Variants in PTPRN2 observed in about 807,000 individuals in gnomAD.
PTPRN2 encodes protein tyrosine phosphatase receptor type N2, also known as receptor-type tyrosine-protein phosphatase N2.
In PTPRN2, 74 loss-of-function variants were observed where a neutral mutation model predicts 118.8. The ratio of observed to expected loss-of-function variants is 0.62; its 90% CI spans 0.52 to 0.76. The LOEUF is 0.76. Ranked by LOEUF, PTPRN2 falls within the 30% of genes least tolerant of loss-of-function variation. The probability of loss-of-function intolerance (pLI) is 0.00; values close to 1 mark genes in which losing one functional copy is unlikely to be tolerated. For missense variants in PTPRN2, 1,481 were observed against 1,394.4 expected (o/e 1.06, Z -0.99); for synonymous variants, 641 against 608.0 (o/e 1.05, Z -0.80).
Position 158,131,769 on chromosome 7 carries a change from C to T in PTPRN2, c.1556+1908G>A, listed in dbSNP as rs370377524. ...CACACACATGCACATACGCACAAACCGATACACATCTACCCGACATACACA... is the reference window on the plus strand; with the variant it reads ...CACACACATGCACATACGCACAAACTGATACACATCTACCCGACATACACA... On this transcript the variant is annotated intron_variant, in intron 9 of 22. Transcript: ENST00000389418. Among the ~76,000 whole-genome samples the T allele has an allele frequency of 2.0e-4, 29 of 143,254 alleles. No individual in the cohort carries two copies. The East Asian group carries it at 4.4e-3, about 22-fold the overall frequency. 94.0% of individuals were successfully genotyped at this position (143,254 alleles called of 152,430 possible).
intron 3 of PTPRN2, among the ~76,000 whole-genome samples, chr7:158,281,233 G>A (rs1799403563): frequency 6.6e-6 from 1 of 152,196 alleles, no homozygotes; most frequent in Non-Finnish European, 1.5e-5. Flanking sequence ...AGGTTGCAAT[G>A]AGCTGGGATC....
intron 12 of PTPRN2, among the ~76,000 whole-genome samples, chr7:157,705,071 C>A (rs1196360040): frequency 6.6e-6 from 1 of 152,134 alleles, no homozygotes; most frequent in Non-Finnish European, 1.5e-5. Context: ...CTTTGGGAGG[C>A]CCAGGGGGCG....
At chr7:157,887,864 T>C (rs937411752) in intron 12 of PTPRN2, among the ~76,000 whole-genome samples, 6 of 127,562 alleles carry the variant, frequency 4.7e-5, no homozygotes, top group Non-Finnish European at 8.4e-5. Context: ...CCACCCAGTA[T>C]TTGCTCCCCC....
At chr7:158,370,379 T>C (rs767098322) in intron 2 of PTPRN2, among the ~76,000 whole-genome samples, 9 of 151,968 alleles carry the variant, frequency 5.9e-5, no homozygotes, top group Non-Finnish European at 1.3e-4. Context: ...GAGGTTGCAG[T>C]GAGCCGAGAT....
intron 1 of PTPRN2, among the ~76,000 whole-genome samples, chr7:158,533,781 G>A (rs1825426548): frequency 1.3e-5 from 2 of 152,254 alleles, no homozygotes; most frequent in Non-Finnish European, 2.9e-5. Flanking sequence ...TGATGGACAT[G>A]CTCACAATGC....
At chr7:157,541,460 CG>C (rs1563196631) in intron 22 of PTPRN2, among the ~76,000 whole-genome samples, 1 of 152,240 alleles carries the variant, frequency 6.6e-6, no homozygotes, top group Non-Finnish European at 1.5e-5. Context: ...GCACGAGGGA[CG>C]GGTTCACGAT....
At chr7:158,392,221 C>T (rs186951783) in intron 2 of PTPRN2, among the ~76,000 whole-genome samples, 1 of 152,212 alleles carries the variant, frequency 6.6e-6, no homozygotes, top group African/African-American at 2.4e-5. Flanking sequence ...TGTGGCCATG[C>T]AGGTCAAACT....
At chr7:158,483,077 G>A (rs977256153) in intron 2 of PTPRN2, among the ~76,000 whole-genome samples, 3 of 152,164 alleles carry the variant, frequency 2.0e-5, no homozygotes, top group Admixed American at 6.5e-5. Flanking sequence ...ATCAGAGCAC[G>A]CCCTTTGCCC....
intron 2 of PTPRN2, among the ~76,000 whole-genome samples, chr7:158,336,111 T>G (rs1166977478): frequency 7.4e-5 from 1 of 13,448 alleles, no homozygotes; most frequent in African/African-American, 2.2e-4. Flanking sequence ...ACCCACAGTC[T>G]CACCATAAGA....
rs147418646 is a variant in PTPRN2 at position 158,203,497 on chromosome 7, G to A, written c.380+1674C>T. 9.4e-3 allele frequency among the ~76,000 whole-genome samples: 1,423 copies of A among 152,184 alleles called. 26 individuals are homozygous for A. The highest frequency in any genetic ancestry group is 0.031 in the African/African-American group (1,286 of 41,526). ...ATCCAGGCGCCTCTCCATGGTTGTT[G>A]CTGAGTTTGATTTCTCAGAGGCAGG... On this transcript the variant is annotated intron_variant, in intron 4 of 22. Coordinates refer to ENST00000389418, the MANE Select transcript of PTPRN2 (RefSeq NM_002847.5).
intron 11 of PTPRN2, among the ~76,000 whole-genome samples, chr7:157,954,840 TA>T (rs1801084013): frequency 6.6e-6 from 1 of 152,200 alleles, no homozygotes; most frequent in Non-Finnish European, 1.5e-5. Context: ...GGTGTTTAAG[TA>T]TCTCATATGT....
At chr7:157,989,907 G>A (rs1034156161) in intron 11 of PTPRN2, among the ~76,000 whole-genome samples, 1 of 151,872 alleles carries the variant, frequency 6.6e-6, no homozygotes, top group African/African-American at 2.4e-5. Context: ...GCCCTGCCCA[G>A]GGCTGCGCTG....
intron 12 of PTPRN2, among the ~76,000 whole-genome samples, chr7:157,895,672 T>C (rs1416759658): frequency 6.6e-6 from 1 of 152,082 alleles, no homozygotes; most frequent in Non-Finnish European, 1.5e-5. Flanking sequence ...TAATCTGTCG[T>C]GTAGCATCGA....
intron 5 of PTPRN2, among the ~76,000 whole-genome samples, chr7:158,183,119 T>C (rs1824854561): frequency 6.6e-6 from 1 of 152,236 alleles, no homozygotes; most frequent in Admixed American, 6.5e-5. Flanking sequence ...CTGCTCACTT[T>C]TGGTTTCCAT....
rs73745197 is a variant in PTPRN2, at chr7:158,167,196, G to A, written c.645C>T (p.Asp215=). ...GCTGGCCGAGGGTCCGCGGCAGGAG[G>A]TCCTCGCGGAGCTGGGTCCGGGACC... The part of the protein sequence containing the change: ...PPGSRTQLRE[D]LLPRTLGQLQ... Residue 215 remains aspartate (D), a synonymous_variant, in exon 6 of 23, where the codon GAC becomes GAT. Coordinates refer to ENST00000389418, the MANE Select transcript of PTPRN2 (RefSeq NM_002847.5). 5,578 of 1,613,712 alleles carry A rather than the reference G, an allele frequency of 3.5e-3. 157 individuals are homozygous for A. In the African/African-American group the frequency reaches 0.063, roughly 18 times the overall value.
chr7:158,218,278 G>A (rs74905681), intron 3 of PTPRN2, among the ~76,000 whole-genome samples: 9,668 of 152,122 alleles, frequency 0.064, 356 homozygotes, highest in South Asian at 0.13. Context: ...GAGACTGGGG[G>A]CCCTATTTTC....
In PTPRN2 at chr7:158,552,967, T is replaced by C. The variant is rs1196333847; in HGVS notation, c.112+34591A>G. On this transcript the variant is annotated intron_variant, in intron 1 of 22. Transcript: ENST00000389418. ...TTGGGAATCTACATCATCTTTCCCA[T>C]GTACACACACAGGCTTGAGAGTCTA... 3.9e-5 allele frequency among the ~76,000 whole-genome samples: 6 copies of C among 152,106 alleles called. No homozygotes were observed. In the South Asian group the frequency reaches 1.2e-3, roughly 32 times the overall value.
At chr7:158,341,907 C>G (rs1229676328) in intron 2 of PTPRN2, among the ~76,000 whole-genome samples, 1 of 137,614 alleles carries the variant, frequency 7.3e-6, no homozygotes, top group Non-Finnish European at 1.5e-5. Context: ...TATGAGCTGA[C>G]ACCTGCAGAC....
intron 13 of PTPRN2, among the ~76,000 whole-genome samples, chr7:157,672,638 C>T (rs1438915215): frequency 6.6e-6 from 1 of 152,172 alleles, no homozygotes; most frequent in East Asian, 1.9e-4. Context: ...GAAACGCCTA[C>T]CCAGAGGGCA....
Sources: gnomAD v4.1 joint callset for allele counts (sites outside exome capture counted in the v4.1 genomes callset) on GRCh38, gnomAD v4.1.1 for gene constraint, MANE v1.5 for transcripts, NCBI Gene and HGNC (gene_info 2026-07-23, HGNC 2026-07-21) for gene names.